CD69: variants seen among roughly 807,000 people sequenced by gnomAD.
CD69 encodes early activation antigen CD69.
In CD69, 10 loss-of-function variants were observed where a neutral mutation model predicts 21.4. The ratio of observed to expected loss-of-function variants is 0.47; its 90% CI spans 0.29 to 0.79. The LOEUF (loss-of-function observed/expected upper bound fraction) is 0.79, where lower values mean the gene tolerates loss of function less well. CD69 is among the 30% of genes least tolerant of loss of function. The pLI, the probability that CD69 is intolerant of heterozygous loss-of-function variation, is 0.09. For missense variants in CD69, 204 were observed against 236.9 expected (o/e 0.86, Z 0.91); for synonymous variants, 63 against 78.2 (o/e 0.81, Z 1.03).
chr12:9,754,804 T>A, intron 3 of CD69, 114 bp from the exon 4 acceptor site: 1 of 773,310 alleles, frequency 1.3e-6, no homozygotes, highest in South Asian at 1.5e-5. Context: ...TCTGACCATG[T>A]ACTCATTCTA....
At chr12:9,755,406 GAAGA>G (rs1240705466) in intron 2 of CD69, 145 bp from the exon 3 acceptor site, 10 of 666,348 alleles carry the variant, frequency 1.5e-5, no homozygotes, top group Non-Finnish European at 2.3e-5. Flanking sequence ...AAAAGGGTAT[GAAGA>G]AAGAAAGTTC....
At position 9,753,455 on chromosome 12, in the gene CD69, A is replaced by G. The variant is rs1866646423; in HGVS notation, c.*26T>C. On this transcript the variant is annotated 3_prime_UTR_variant, in exon 5 of 5. Transcript: ENST00000228434. ...ATTTCCTTGAGTTCCATTCTATAAT[A>G]GTCAATAAGTGAACATGTTTCCTTA... The G allele has an allele frequency of 1.0e-6, 1 of 970,824 alleles. No individual in the cohort carries two copies. The highest frequency in any genetic ancestry group is 1.6e-6 in the Non-Finnish European group (1 of 607,822). 60.1% of individuals were successfully genotyped at this position (970,824 alleles called of 1,614,324 possible). A position where few individuals can be genotyped will look rare whatever the true frequency, so the allele number is the denominator to read the frequency against.
intron 3 of CD69, 67 bp downstream of exon 3, chr12:9,754,995 C>T (rs760509380): frequency 2.3e-5 from 30 of 1,299,138 alleles, no homozygotes; most frequent in African/African-American, 1.5e-4. Flanking sequence ...CACTTAGAAA[C>T]GGAAGGAAAG....
At chr12:9,758,762 G>A (rs1866702829) in intron 1 of CD69, among the ~76,000 whole-genome samples, 1 of 152,188 alleles carries the variant, frequency 6.6e-6, no homozygotes, top group Non-Finnish European at 1.5e-5. Flanking sequence ...TGAGTCAGTC[G>A]TGCTGCTTGA....
intron 2 of CD69, among the ~76,000 whole-genome samples, chr12:9,755,473 TGAG>T (rs1464686839): frequency 6.6e-6 from 1 of 152,202 alleles, no homozygotes; most frequent in East Asian, 1.9e-4. Context: ...GATGGAGATA[TGAG>T]GATGAGGGGA....
chr12:9,757,085 AT>A (rs975167256), intron 1 of CD69, among the ~76,000 whole-genome samples: 3 of 152,062 alleles, frequency 2.0e-5, no homozygotes, highest in African/African-American at 7.3e-5. Context: ...GTCTAAAAAA[AT>A]AAATAAATAA....
intron 3 of CD69, 30 bp downstream of exon 3, chr12:9,755,032 A>G (rs1244290505): frequency 6.5e-7 from 1 of 1,550,188 alleles, no homozygotes; most frequent in Admixed American, 1.7e-5. Context: ...GAATTAAAAT[A>G]GTAGTATTTT....
intron 1 of CD69, among the ~76,000 whole-genome samples, chr12:9,759,137 G>A (rs1046231886): frequency 6.6e-6 from 1 of 152,088 alleles, no homozygotes; most frequent in Non-Finnish European, 1.5e-5. Context: ...CATCGTGTTA[G>A]CCAGGATGGT....
intron 4 of CD69, chr12:9,754,271 T>C (rs80020459): frequency 9.2e-4 from 166 of 180,048 alleles, no homozygotes; most frequent in African/African-American, 3.7e-3. Flanking sequence ...AATGTGACAT[T>C]GAAAATGGGT....
At position 9,756,381 on chromosome 12, in the gene CD69, CTTCATGACG is replaced by C. The variant is rs1470477587; in HGVS notation, c.94_102del (p.Arg32_Glu34del). 2.5e-6 allele frequency: 4 copies of C among 1,613,740 alleles called. No individual in the cohort carries two copies. The South Asian group carries it at 4.4e-5, about 18-fold the overall frequency. On this transcript the variant is annotated inframe_deletion, in exon 2 of 5. Transcript: ENST00000228434. ...CACAGGACAGGAACTTGGAAGGACC[CTTCATGACG>C]TGTTGAGAAATGGGGACTGGTGGCA...
chr12:9,754,564 T>TA, intron 4 of CD69, 23 bp downstream of exon 4: 2 of 1,348,812 alleles, frequency 1.5e-6, no homozygotes, highest in South Asian at 2.3e-5. Context: ...CTGGGGAATA[T>TA]AAAGAGACTT....
intron 1 of CD69, among the ~76,000 whole-genome samples, chr12:9,758,527 G>A (rs1866700514): frequency 2.0e-5 from 3 of 152,044 alleles, no homozygotes; most frequent in Non-Finnish European, 4.4e-5. Context: ...CTGGGTACTG[G>A]TGTCCACATC....
At chr12:9,756,061 CT>C (rs1866676558) in intron 2 of CD69, 1 of 257,204 alleles carries the variant, frequency 3.9e-6, no homozygotes, top group African/African-American at 2.2e-5. Flanking sequence ...CAATTTTATT[CT>C]ACAGTAATAT....
intron 4 of CD69, chr12:9,754,288 T>G (rs1195725387): frequency 5.3e-6 from 1 of 190,100 alleles, no homozygotes; most frequent in African/African-American, 2.4e-5. Context: ...GGGTTTTTGT[T>G]GCATCATCAT....
intron 4 of CD69, among the ~76,000 whole-genome samples, chr12:9,753,893 G>A (rs3176800): frequency 0.23 from 35,280 of 152,082 alleles, 4,314 homozygotes; most frequent in Non-Finnish European, 0.27. Flanking sequence ...TCACAAAATT[G>A]TATGCATTCA....
At chr12:9,754,729 C>G (rs747421625) in intron 3 of CD69, 39 bp from the exon 4 acceptor site, 1 of 1,240,190 alleles carries the variant, frequency 8.1e-7, no homozygotes, top group Non-Finnish European at 1.2e-6. Flanking sequence ...CATTAAACAC[C>G]CTTCTGGGGA....
intron 4 of CD69, 171 bp downstream of exon 4, chr12:9,754,413 GAAT>G (rs1866658653): frequency 2.1e-6 from 1 of 476,230 alleles, no homozygotes. Context: ...TAAAGAAAAA[GAAT>G]AATAATAAAG....
In CD69 at chr12:9,756,317, A is replaced by G; in HGVS notation, c.167T>C (p.Ile56Thr). The change falls in exon 2 of 5, where the codon ATA (isoleucine) becomes ACA (threonine). Residue 56 changes from isoleucine (I) to threonine (T), a missense_variant. Transcript: ENST00000228434. ...MNVVFITILI[I>T]ALIALSVGQY... ...CCCACCTGATAAGGCAATGAGAGCT[A>G]TGATTAAAATGGTGATGAAGACCAC... is the stretch of plus-strand genomic sequence containing the variant. 1 of 1,613,620 alleles carries G rather than the reference A, an allele frequency of 6.2e-7. No homozygotes were observed. The highest frequency in any genetic ancestry group is 8.5e-7 in the Non-Finnish European group (1 of 1,179,666).
chr12:9,752,884 C>T lies in CD69; in HGVS notation c.*597G>A, dbSNP rs1345170674. On this transcript the variant is annotated 3_prime_UTR_variant, in exon 5 of 5. Transcript: ENST00000228434. ...GGAAGTAAAAAAATAAATACATGATCATCCCATTCTTTTTGGGGAAAAATA... is the reference window on the plus strand; with the variant it reads ...GGAAGTAAAAAAATAAATACATGATTATCCCATTCTTTTTGGGGAAAAATA... The T allele has an allele frequency of 1.3e-5, 2 of 152,508 alleles. No homozygotes were observed. The highest frequency in any genetic ancestry group is 2.9e-5 in the Non-Finnish European group (2 of 68,030). The allele number at this position is 152,508 out of a possible 1,614,324, so 9.4% of individuals were successfully genotyped here.
Sources: allele counts gnomAD v4.1 joint callset (sites outside exome capture counted in the v4.1 genomes callset), GRCh38; gene constraint gnomAD v4.1.1; transcripts MANE v1.5; gene names NCBI Gene and HGNC (gene_info 2026-07-23, HGNC 2026-07-21).